Variants in GALNT9 observed in about 807,000 individuals in gnomAD.
GALNT9 encodes polypeptide N-acetylgalactosaminyltransferase 9.
GALNT9 carries 47 observed loss-of-function variants against 63.1 expected under a neutral mutation model. The ratio of observed to expected loss-of-function variants is 0.75; its 90% confidence interval spans 0.59 to 0.95. The LOEUF is 0.95. GALNT9 is among the 40% of genes least tolerant of loss of function. The pLI is 0.00. For missense variants in GALNT9, 829 were observed against 874.8 expected (o/e 0.95, Z 0.66); for synonymous variants, 396 against 365.7 (o/e 1.08, Z -0.94).
chr12:132,287,602 A>T (rs1880651312), intron 1 of GALNT9, among the ~76,000 whole-genome samples: 1 of 152,176 alleles, frequency 6.6e-6, no homozygotes, highest in African/African-American at 2.4e-5. Context: ...GAGGTTCAAG[A>T]ACAGACGGAA....
chr12:132,221,945 G>A (rs1248973810), intron 6 of GALNT9, among the ~76,000 whole-genome samples: 5 of 152,170 alleles, frequency 3.3e-5, no homozygotes, highest in Non-Finnish European at 7.3e-5. Flanking sequence ...TAGTAATGGG[G>A]ACAGGTTTAA....
At position 132,310,137 on chromosome 12, in the gene GALNT9, G is replaced by A. The variant is rs1881760939; in HGVS notation, c.238+18829C>T. On this transcript the variant is annotated intron_variant, in intron 1 of 10. Coordinates refer to ENST00000328957, the MANE Select transcript of GALNT9 (RefSeq NM_001122636.2). This position sits in a 1 kb window ranked among gnomAD's most constrained non-coding sequence, Gnocchi z 4.8. The stretch of plus-strand genomic sequence containing the variant: ...GCCTGGAACCAGGACTCAATGCTCG[G>A]GGCTGGAGCAGCCAATGTGTGACCA... Among the ~76,000 whole-genome samples the A allele has an allele frequency of 6.6e-6, 1 of 152,242 alleles. No individual in the cohort carries two copies. The highest frequency in any genetic ancestry group is 2.4e-5 in the African/African-American group (1 of 41,454).
chr12:132,258,620 G>T lies in GALNT9; in HGVS notation c.762-734C>A, dbSNP rs28694479. On this transcript the variant is annotated intron_variant, in intron 4 of 10. Coordinates refer to ENST00000328957, the MANE Select transcript of GALNT9 (RefSeq NM_001122636.2). ...GGGTGCGGCAGCTGCACCGAAGCCC[G>T]GGCGTGTGCCTAATGGGCCTGCAGG... Among the ~76,000 whole-genome samples, 173 of 152,170 alleles carry T rather than the reference G, an allele frequency of 1.1e-3. 1 individual carries two copies. Among genetic ancestry groups the T allele is most frequent in the African/African-American group, 3.9e-3 (162 of 41,522 alleles).
At chr12:132,201,842 C>T (rs556223893) in intron 7 of GALNT9, among the ~76,000 whole-genome samples, 6 of 152,350 alleles carry the variant, frequency 3.9e-5, no homozygotes, top group South Asian at 4.1e-4. Context: ...TGACCCGTGT[C>T]CTCTGCCGTG....
intron 6 of GALNT9, among the ~76,000 whole-genome samples, chr12:132,226,578 C>G (rs1230313355): frequency 1.4e-5 from 2 of 147,028 alleles, no homozygotes; most frequent in East Asian, 4.0e-4. Context: ...CCCACATACA[C>G]CCCACACACA....
chr12:132,277,330 C>A (rs1880136809), intron 2 of GALNT9: 1 of 154,926 alleles, frequency 6.5e-6, no homozygotes, highest in African/African-American at 2.4e-5. Flanking sequence ...CCACAGACGC[C>A]TGCTAACATC....
chr12:132,300,802 A>C (rs1593113903), intron 1 of GALNT9, among the ~76,000 whole-genome samples: 2 of 140,836 alleles, frequency 1.4e-5, no homozygotes, highest in Non-Finnish European at 3.1e-5. Context: ...CACCTAACCC[A>C]CCCCCACCAC....
At chr12:132,199,364 A>C in intron 8 of GALNT9, 95 bp from the exon 9 acceptor site, 2 of 888,694 alleles carry the variant, frequency 2.3e-6, no homozygotes, top group Non-Finnish European at 3.6e-6. Flanking sequence ...GCACCTAAGG[A>C]GGTGCCCGCG....
At chr12:132,227,161 C>T (rs1257948086) in intron 6 of GALNT9, among the ~76,000 whole-genome samples, 3 of 152,104 alleles carry the variant, frequency 2.0e-5, no homozygotes, top group Non-Finnish European at 2.9e-5. Flanking sequence ...GAAATTCAGC[C>T]TGAGGAAATG....
intron 2 of GALNT9, among the ~76,000 whole-genome samples, chr12:132,266,056 A>G (rs531598634): frequency 6.8e-6 from 1 of 147,692 alleles, no homozygotes; most frequent in African/African-American, 2.6e-5. Flanking sequence ...AGGCACGCAC[A>G]GCCAACCGCG....
At chr12:132,202,881 G>A (rs1345847455) in intron 7 of GALNT9, among the ~76,000 whole-genome samples, 1 of 152,134 alleles carries the variant, frequency 6.6e-6, no homozygotes, top group African/African-American at 2.4e-5. Flanking sequence ...TTACAAATTA[G>A]AAAACAAACA....
At chr12:132,212,950 C>T (rs375282092) in intron 6 of GALNT9, among the ~76,000 whole-genome samples, 2 of 136,866 alleles carry the variant, frequency 1.5e-5, no homozygotes, top group South Asian at 2.7e-4. Flanking sequence ...GGTCTGCAGC[C>T]CTCAGACCGT....
chr12:132,292,832 C>T (rs371838516), intron 1 of GALNT9, among the ~76,000 whole-genome samples: 3 of 152,172 alleles, frequency 2.0e-5, no homozygotes, highest in East Asian at 3.9e-4. Flanking sequence ...CACCGTTGTT[C>T]GGTGGAATCC....
In GALNT9 at chr12:132,282,619, C is replaced by A. The variant is rs1278564268; in HGVS notation, c.419+3631G>T. On this transcript the variant is annotated intron_variant, in intron 2 of 10. Coordinates refer to ENST00000328957, the MANE Select transcript of GALNT9 (RefSeq NM_001122636.2). The surrounding 1 kb of genome is among the most constrained non-coding windows in gnomAD (Gnocchi z 4.5). ...GATGATAAGGTTGCTGCAGCTCCCC[C>A]AGCTCCCAGCCTTGGTTTCATCTTG... is the stretch of plus-strand genomic sequence containing the variant. Among the ~76,000 whole-genome samples, 1 of 152,008 alleles carries A rather than the reference C, an allele frequency of 6.6e-6. No individual in the cohort carries two copies. The highest frequency in any genetic ancestry group is 1.5e-5 in the Non-Finnish European group (1 of 68,008).
chr12:132,227,755 A>G (rs1877751582), intron 6 of GALNT9, among the ~76,000 whole-genome samples: 2 of 152,036 alleles, frequency 1.3e-5, no homozygotes, highest in Non-Finnish European at 2.9e-5. Flanking sequence ...GGGGAAACGG[A>G]GGCTCAGGGT....
chr12:132,272,054 A>G (rs1196382682), intron 2 of GALNT9, among the ~76,000 whole-genome samples: 3 of 151,912 alleles, frequency 2.0e-5, no homozygotes, highest in African/African-American at 7.3e-5. Flanking sequence ...GAGACAGGAG[A>G]GAGGAGAATG....
chr12:132,264,819 C>G (rs1306183973), intron 2 of GALNT9, among the ~76,000 whole-genome samples: 2 of 152,166 alleles, frequency 1.3e-5, no homozygotes, highest in Non-Finnish European at 2.9e-5. Context: ...AAGTGGGGCC[C>G]GTGGATGCTG....
intron 8 of GALNT9, among the ~76,000 whole-genome samples, chr12:132,200,053 A>G (rs1243614109): frequency 6.6e-6 from 1 of 152,180 alleles, no homozygotes; most frequent in Non-Finnish European, 1.5e-5. Flanking sequence ...TGGAGTGGGC[A>G]GAGTAGAAGC....
In GALNT9 at chr12:132,313,874, C is replaced by G. The variant is rs146366222; in HGVS notation, c.238+15092G>C. Among the ~76,000 whole-genome samples, 576 of 133,696 alleles carry G rather than the reference C, an allele frequency of 4.3e-3. 2 individuals are homozygous for G. Among genetic ancestry groups the G allele is most frequent in the African/African-American group, 0.016 (539 of 34,748 alleles). The allele number at this position is 133,696 out of a possible 152,430, so 87.7% of individuals were successfully genotyped here. Reference sequence around the variant, plus strand: ...TCTACCCATCCACCCACCCACCCATCCATCCGTACATACATACATACATAC... The same window carrying G: ...TCTACCCATCCACCCACCCACCCATGCATCCGTACATACATACATACATAC... On this transcript the variant is annotated intron_variant, in intron 1 of 10. Coordinates refer to ENST00000328957, the MANE Select transcript of GALNT9 (RefSeq NM_001122636.2).
Sources: allele counts gnomAD v4.1 joint callset (sites outside exome capture counted in the v4.1 genomes callset), GRCh38; gene constraint gnomAD v4.1.1; non-coding constraint Gnocchi (gnomAD v3.1); transcripts MANE v1.5; gene names NCBI Gene and HGNC (gene_info 2026-07-23, HGNC 2026-07-21).